PTPN3: variants seen among roughly 807,000 people sequenced by gnomAD.
PTPN3 encodes the protein protein tyrosine phosphatase non-receptor type 3.
A neutral mutation model predicts 132.7 loss-of-function variants in PTPN3; 96 were observed. The ratio of observed to expected loss-of-function variants is 0.72; its 90% confidence interval spans 0.61 to 0.86. The LOEUF is 0.86. PTPN3 is among the 40% of genes least tolerant of loss of function. The pLI is 0.00. For missense variants in PTPN3, 1,125 were observed against 1,159.6 expected (o/e 0.97, Z 0.43); for synonymous variants, 398 against 429.0 (o/e 0.93, Z 0.89).
chr9:109,376,782 G>A lies in PTPN3; in HGVS notation c.*2774C>T, dbSNP rs997644045. On this transcript the variant is annotated 3_prime_UTR_variant, in exon 26 of 26. Coordinates refer to ENST00000374541, the MANE Select transcript of PTPN3 (RefSeq NM_002829.4). Reference sequence around the variant, plus strand: ...TAAGGTGGTGAAACAGGAATCTTGAGCTACGGATTTTAAGTGGTAATAGCT... The same window carrying A: ...TAAGGTGGTGAAACAGGAATCTTGAACTACGGATTTTAAGTGGTAATAGCT... 1.3e-5 allele frequency: 2 copies of A among 152,232 alleles called. No individual in the cohort carries two copies. Among genetic ancestry groups the A allele is most frequent in the African/African-American group, 4.8e-5 (2 of 41,454 alleles). 9.4% of individuals were successfully genotyped at this position (152,232 alleles called of 1,614,324 possible).
At chr9:109,484,614 G>A (rs796787879) in intron 1 of PTPN3, among the ~76,000 whole-genome samples, 14 of 152,322 alleles carry the variant, frequency 9.2e-5, no homozygotes, top group African/African-American at 2.9e-4. Flanking sequence ...CTCTTCAGTG[G>A]TGGACTGAGG....
intron 10 of PTPN3, among the ~76,000 whole-genome samples, chr9:109,431,784 G>A (rs541271711): frequency 1.4e-4 from 21 of 152,284 alleles, no homozygotes; most frequent in Admixed American, 5.9e-4. Flanking sequence ...GCTAGACTCT[G>A]ATGTGAGTTT....
At chr9:109,497,722 G>A (rs1588518036) in intron 1 of PTPN3, among the ~76,000 whole-genome samples, 1 of 152,218 alleles carries the variant, frequency 6.6e-6, no homozygotes, top group South Asian at 2.1e-4. Context: ...CTGGAGTTTC[G>A]TGCCAGGCCC....
At chr9:109,443,730 C>T (rs1390083310) in intron 7 of PTPN3, among the ~76,000 whole-genome samples, 3 of 152,058 alleles carry the variant, frequency 2.0e-5, no homozygotes, top group African/African-American at 7.2e-5. Flanking sequence ...GTGAAATGGC[C>T]GGGCCTGTCC....
At chr9:109,534,895 A>G in the PTPN3 span, among the ~76,000 whole-genome samples, 1 of 152,244 alleles carries the variant, frequency 6.6e-6, no homozygotes, top group Admixed American at 6.5e-5. Flanking sequence ...ACTAAGAAAA[A>G]TAATTGTATT....
At chr9:109,393,315 A>T (rs1840286659) in intron 19 of PTPN3, among the ~76,000 whole-genome samples, 1 of 149,818 alleles carries the variant, frequency 6.7e-6, no homozygotes, top group Non-Finnish European at 1.5e-5. Context: ...CTGTTTTGAA[A>T]TTTTTTTTAC....
chr9:109,382,638 C>G (rs1227036674), intron 23 of PTPN3, among the ~76,000 whole-genome samples, 191 bp from the exon 24 acceptor site: 1 of 152,122 alleles, frequency 6.6e-6, no homozygotes, highest in Non-Finnish European at 1.5e-5. Flanking sequence ...AGCTGTGGGC[C>G]TGTCCTGCAG....
intron 10 of PTPN3, among the ~76,000 whole-genome samples, chr9:109,432,322 T>A (rs933740937): frequency 6.6e-6 from 1 of 152,036 alleles, no homozygotes; most frequent in Non-Finnish European, 1.5e-5. Context: ...CTAACTTCCT[T>A]CCTTGCTGCC....
intron 2 of PTPN3, among the ~76,000 whole-genome samples, chr9:109,461,670 T>C (rs1033301912): frequency 2.0e-5 from 3 of 151,856 alleles, no homozygotes; most frequent in South Asian, 2.1e-4. Context: ...AGTGGGAGGA[T>C]TGCTTAAGCC....
intron 21 of PTPN3, among the ~76,000 whole-genome samples, chr9:109,389,866 G>T (rs1298480810): frequency 6.6e-6 from 1 of 152,124 alleles, no homozygotes; most frequent in Non-Finnish European, 1.5e-5. Context: ...TCATGAAGTT[G>T]GTCAATCTTG....
intron 22 of PTPN3, among the ~76,000 whole-genome samples, chr9:109,386,252 CAGA>C (rs1564374472): frequency 1.3e-5 from 2 of 152,124 alleles, no homozygotes; most frequent in South Asian, 4.1e-4. Flanking sequence ...CCCTGGATTT[CAGA>C]AGAACAGGAT....
intron 1 of PTPN3, among the ~76,000 whole-genome samples, chr9:109,491,933 C>T (rs1400186847): frequency 1.3e-5 from 2 of 152,168 alleles, no homozygotes; most frequent in Non-Finnish European, 2.9e-5. Flanking sequence ...AAGACTCCCC[C>T]GTCTGTGGAG....
chr9:109,416,056 G>A (rs1444245915), intron 14 of PTPN3, among the ~76,000 whole-genome samples: 2 of 152,218 alleles, frequency 1.3e-5, no homozygotes, highest in Non-Finnish European at 2.9e-5. Flanking sequence ...CAGATCTAGT[G>A]CCACCCTCTA....
At chr9:109,534,450 C>T in the PTPN3 span, 7 of 1,235,054 alleles carry the variant, frequency 5.7e-6, no homozygotes, top group East Asian at 8.7e-5. Flanking sequence ...GTCCGCTCTC[C>T]GCTCCCGCTA....
chr9:109,519,779 A>C, the PTPN3 span, among the ~76,000 whole-genome samples: 2 of 152,220 alleles, frequency 1.3e-5, no homozygotes, highest in East Asian at 3.8e-4. Flanking sequence ...CATTTGCATC[A>C]ACGCACTTAA....
intron 22 of PTPN3, among the ~76,000 whole-genome samples, chr9:109,386,328 T>C (rs1839580194): frequency 6.6e-6 from 1 of 152,098 alleles, no homozygotes. Flanking sequence ...ATGGACCAGA[T>C]AGGGTTTAGT....
chr9:109,491,199 CA>C (rs377168790), intron 1 of PTPN3, among the ~76,000 whole-genome samples: 48,711 of 118,038 alleles, frequency 0.41, 8,300 homozygotes, highest in East Asian at 0.54. Flanking sequence ...CACTCTCTCT[CA>C]AAAAAAAAAA....
intron 22 of PTPN3, among the ~76,000 whole-genome samples, chr9:109,387,245 A>G (rs1839664444): frequency 6.6e-6 from 1 of 152,210 alleles, no homozygotes; most frequent in Non-Finnish European, 1.5e-5. Context: ...ATCAGTGCCT[A>G]GATCCATTTG....
the PTPN3 span, among the ~76,000 whole-genome samples, chr9:109,505,939 G>A: frequency 6.6e-6 from 1 of 151,834 alleles, no homozygotes; most frequent in African/African-American, 2.4e-5. Context: ...TTTTAGTAGA[G>A]ACAGGGTTTC....
Sources: allele counts gnomAD v4.1 joint callset (sites outside exome capture counted in the v4.1 genomes callset), GRCh38; gene constraint gnomAD v4.1.1; transcripts MANE v1.5; gene names NCBI Gene and HGNC (gene_info 2026-07-23, HGNC 2026-07-21).